Variants in COX6B1 observed in about 807,000 individuals in gnomAD.
The protein encoded by COX6B1 is COX VIb-1.
COX6B1 carries 2 observed loss-of-function variants against 14.0 expected under a neutral mutation model. The observed-to-expected ratio is 0.14, with a 90% CI of 0.06 to 0.45. The LOEUF (loss-of-function observed/expected upper bound fraction) is 0.45. Among genes scored for constraint, COX6B1 ranks in the 20% least tolerant of loss-of-function variants. The probability of loss-of-function intolerance (pLI) is 0.98; values close to 1 mark genes in which losing one functional copy is unlikely to be tolerated. For missense variants in COX6B1, 81 were observed against 114.2 expected, an observed-to-expected ratio of 0.71 and a Z score of 1.33; for synonymous variants, 30 against 39.7, an observed-to-expected ratio of 0.76 and a Z score of 0.92.
intron 1 of COX6B1, chr19:35,648,843 T>G (rs775032677): frequency 1.9e-6 from 1 of 533,280 alleles, no homozygotes; most frequent in African/African-American, 1.9e-5. Context: ...CTTTTGGACG[T>G]TGGAGGGGCC....
chr19:35,651,515 C>T (rs1967824647), intron 2 of COX6B1, among the ~76,000 whole-genome samples, 166 bp downstream of exon 2: 1 of 152,108 alleles, frequency 6.6e-6, no homozygotes, highest in African/African-American at 2.4e-5. Context: ...GGGTTACAAA[C>T]TTTAGTTCCT....
chr19:35,656,637 T>G (rs761364316), intron 3 of COX6B1, among the ~76,000 whole-genome samples: 9 of 152,000 alleles, frequency 5.9e-5, no homozygotes, highest in African/African-American at 1.2e-4. Flanking sequence ...CCTGCCACCA[T>G]GCCCAGCTGA....
At chr19:35,651,486 G>GAA in intron 2 of COX6B1, 137 bp downstream of exon 2, 1 of 714,854 alleles carries the variant, frequency 1.4e-6, no homozygotes, top group Non-Finnish European at 2.6e-6. Context: ...CTCATCACCT[G>GAA]CTGTTCAGGT....
At chr19:35,649,359 A>G (rs1967798876) in intron 1 of COX6B1, among the ~76,000 whole-genome samples, 1 of 151,918 alleles carries the variant, frequency 6.6e-6, no homozygotes, top group Admixed American at 6.6e-5. Flanking sequence ...TCACTGTGTC[A>G]CCCAGGCTGG....
intron 2 of COX6B1, among the ~76,000 whole-genome samples, chr19:35,654,283 G>A (rs1029630947): frequency 1.3e-5 from 2 of 152,140 alleles, no homozygotes; most frequent in Non-Finnish European, 2.9e-5. Context: ...AGCACTTTGG[G>A]AGGCCGAGGT....
At chr19:35,654,469 C>T in intron 2 of COX6B1, 102 bp from the exon 3 acceptor site, 1 of 944,140 alleles carries the variant, frequency 1.1e-6, no homozygotes, top group Admixed American at 1.7e-5. Flanking sequence ...GATCGCACCA[C>T]TGCACTCCAG....
At chr19:35,648,525 G>A (rs1235571075) in intron 1 of COX6B1, 122 bp downstream of exon 1, 1 of 230,328 alleles carries the variant, frequency 4.3e-6, no homozygotes, top group Non-Finnish European at 8.9e-6. Flanking sequence ...CTGGACCCCG[G>A]GGCCCTGTTC....
intron 2 of COX6B1, 84 bp from the exon 3 acceptor site, chr19:35,654,487 G>A: frequency 8.8e-7 from 1 of 1,138,932 alleles, no homozygotes; most frequent in Non-Finnish European, 1.3e-6. Context: ...CAGCCTGAGT[G>A]ACAGATTGAG....
Position 35,651,206 on chromosome 19 carries a change from G to A in COX6B1, c.-11-27G>A, listed in dbSNP as rs764278137. The stretch of plus-strand genomic sequence containing the variant: ...CTTGCTCAGGGCCCCTGGGGCCCCT[G>A]CTGACACCCACTCCTTTCGCCTCCA... On this transcript the variant is annotated intron_variant, in intron 1 of 3. Transcript: ENST00000649813. 8.5e-6 allele frequency: 13 copies of A among 1,536,886 alleles called. No individual in the cohort carries two copies. The Admixed American group carries it at 2.0e-4, about 24-fold the overall frequency.
intron 3 of COX6B1, among the ~76,000 whole-genome samples, chr19:35,657,288 C>G (rs1218740596): frequency 1.3e-5 from 2 of 151,862 alleles, no homozygotes; most frequent in Non-Finnish European, 2.9e-5. Flanking sequence ...GCCTAGATCC[C>G]TCACATGCGC....
intron 1 of COX6B1, among the ~76,000 whole-genome samples, chr19:35,649,963 G>A (rs1042695628): frequency 6.6e-6 from 1 of 151,558 alleles, no homozygotes; most frequent in Non-Finnish European, 1.5e-5. Context: ...AACAGCAAAT[G>A]TCACAAAATA....
intron 1 of COX6B1, chr19:35,648,956 C>T (rs747684552): frequency 1.9e-6 from 1 of 533,014 alleles, no homozygotes; most frequent in Admixed American, 1.9e-5. Context: ...TGGTGTTTTA[C>T]ACCCCACTTC....
intron 3 of COX6B1, among the ~76,000 whole-genome samples, chr19:35,658,150 T>C (rs922712662): frequency 1.2e-4 from 19 of 152,182 alleles, no homozygotes; most frequent in African/African-American, 4.6e-4. Context: ...CACTGTGTAT[T>C]GTTTGGCACC....
intron 2 of COX6B1, among the ~76,000 whole-genome samples, chr19:35,653,853 C>T (rs1214207692): frequency 2.0e-5 from 3 of 152,132 alleles, no homozygotes; most frequent in Non-Finnish European, 4.4e-5. Flanking sequence ...CAGGCATGAG[C>T]CACTAGGTCC....
At position 35,654,572 on chromosome 19, in the gene COX6B1, C is replaced by T. The variant is rs1246782909; in HGVS notation, c.108C>T (p.Asp36=). ...TGACTTGAACCCCTTTCTTCACAGA[C>T]TTCCACCGCTGTCAGAAGGCAATGA... The part of the protein sequence containing the change: ...QTRNCWQNYL[D]FHRCQKAMTA... The change falls in exon 3 of 4, where the codon GAC becomes GAT. Residue 36 remains aspartate (D), a splice_region_variant and synonymous_variant. Transcript: ENST00000649813. 1 of 1,613,792 alleles carries T rather than the reference C, an allele frequency of 6.2e-7. No individual in the cohort carries two copies. Among genetic ancestry groups the T allele is most frequent in the South Asian group, 1.1e-5 (1 of 91,076 alleles).
chr19:35,655,872 T>G (rs1018127921), intron 3 of COX6B1, among the ~76,000 whole-genome samples: 1 of 152,094 alleles, frequency 6.6e-6, no homozygotes, highest in African/African-American at 2.4e-5. Flanking sequence ...CTTTCTTTCT[T>G]TTCTTTCTTG....
At chr19:35,650,609 G>A (rs1967814005) in intron 1 of COX6B1, among the ~76,000 whole-genome samples, 1 of 151,962 alleles carries the variant, frequency 6.6e-6, no homozygotes, top group African/African-American at 2.4e-5. Context: ...TCGGGAGGCT[G>A]AGGCAACAGA....
chr19:35,654,095 A>G (rs1275796174), intron 2 of COX6B1, among the ~76,000 whole-genome samples: 1 of 152,184 alleles, frequency 6.6e-6, no homozygotes, highest in Non-Finnish European at 1.5e-5. Flanking sequence ...ACCTTCTCAG[A>G]TCCATACATG....
At chr19:35,655,092 C>T (rs759872648) in intron 3 of COX6B1, among the ~76,000 whole-genome samples, 8 of 149,412 alleles carry the variant, frequency 5.4e-5, no homozygotes, top group Non-Finnish European at 8.9e-5. Context: ...TGCAGTGGCG[C>T]GATCTTGCCT....
Sources: allele counts gnomAD v4.1 joint callset (sites outside exome capture counted in the v4.1 genomes callset), GRCh38; gene constraint gnomAD v4.1.1; transcripts MANE v1.5; gene names NCBI Gene and HGNC (gene_info 2026-07-23, HGNC 2026-07-21).